SGIP1: variants seen among roughly 807,000 people sequenced by gnomAD.
SGIP1 encodes SH3-containing GRB2-like protein 3-interacting protein 1.
SGIP1 carries 38 observed loss-of-function variants against 107.5 expected under a neutral mutation model. The ratio of observed to expected loss-of-function variants is 0.35; its 90% CI spans 0.27 to 0.46. SGIP1 has a LOEUF of 0.46. Ranked by LOEUF, SGIP1 falls within the 20% of genes least tolerant of loss-of-function variation. The probability of loss-of-function intolerance (pLI) is 1.00; values close to 1 mark genes in which losing one functional copy is unlikely to be tolerated. For synonymous variants in SGIP1, 365 were observed against 366.1 expected (o/e 1.00, Z 0.03); for missense variants, 929 against 1,019.5 (o/e 0.91, Z 1.21).
At chr1:66,730,300 A>G (rs1320203659) in intron 20 of SGIP1, among the ~76,000 whole-genome samples, 2 of 152,158 alleles carry the variant, frequency 1.3e-5, no homozygotes, top group Non-Finnish European at 2.9e-5. Flanking sequence ...TCTAACTATT[A>G]AACCTGAATT....
chr1:66,745,448 T>G lies in SGIP1; in HGVS notation c.*2353T>G, dbSNP rs2094539667. On this transcript the variant is annotated 3_prime_UTR_variant, in exon 25 of 25. Coordinates refer to ENST00000371037, the MANE Select transcript of SGIP1 (RefSeq NM_032291.4). ...AATAAGCTGGTATCAGGGATTTGCA[T>G]TTTGACATTTTGTTGTTTCTTTTTA... is the stretch of plus-strand genomic sequence containing the variant. 6.6e-6 allele frequency: 1 copy of G among 152,072 alleles called. No individual in the cohort carries two copies. The highest frequency in any genetic ancestry group is 1.5e-5 in the Non-Finnish European group (1 of 67,912). The allele number at this position is 152,072 out of a possible 1,614,324, so 9.4% of individuals were successfully genotyped here. A position where few individuals can be genotyped will look rare whatever the true frequency, so the allele number is the denominator to read the frequency against.
chr1:66,729,148 C>G, intron 19 of SGIP1, 116 bp from the exon 20 acceptor site: 5 of 1,194,022 alleles, frequency 4.2e-6, no homozygotes, highest in Non-Finnish European at 5.9e-6. Context: ...AAGAGCCTGC[C>G]TTTTATCTCT....
chr1:66,626,108 T>G, intron 2 of SGIP1, 198 bp downstream of exon 2: 1 of 348,662 alleles, frequency 2.9e-6, no homozygotes. Flanking sequence ...TCATCATGTG[T>G]TCAGTTTTTA....
At chr1:66,726,315 A>G (rs1269267783) in intron 19 of SGIP1, among the ~76,000 whole-genome samples, 2 of 152,230 alleles carry the variant, frequency 1.3e-5, no homozygotes, top group African/African-American at 4.8e-5. Flanking sequence ...ATTTTCTCAG[A>G]GCAGTCAGTA....
intron 4 of SGIP1, among the ~76,000 whole-genome samples, chr1:66,637,252 T>C (rs926107077): frequency 1.7e-4 from 26 of 152,282 alleles, no homozygotes; most frequent in African/African-American, 4.6e-4. Flanking sequence ...TCTTCACTAT[T>C]ACTAGTACTA....
chr1:66,566,013 AG>A (rs34208086), intron 1 of SGIP1, among the ~76,000 whole-genome samples: 23,450 of 152,042 alleles, frequency 0.15, 2,366 homozygotes, highest in East Asian at 0.45. Context: ...AAAATATTTT[AG>A]GTCCTTACGG....
At chr1:66,612,389 G>C (rs2149169448) in intron 1 of SGIP1, among the ~76,000 whole-genome samples, 1 of 152,292 alleles carries the variant, frequency 6.6e-6, no homozygotes, top group East Asian at 1.9e-4. Flanking sequence ...ATAACAGAAG[G>C]AATCGGAAAG....
intron 17 of SGIP1, 115 bp from the exon 18 acceptor site, chr1:66,695,319 G>C: frequency 6.4e-7 from 1 of 1,560,948 alleles, no homozygotes; most frequent in South Asian, 1.2e-5. Flanking sequence ...ATGGCATGTA[G>C]TGCCTCCACC....
At chr1:66,658,811 C>T (rs1407648513) in intron 7 of SGIP1, among the ~76,000 whole-genome samples, 1 of 152,090 alleles carries the variant, frequency 6.6e-6, no homozygotes, top group African/African-American at 2.4e-5. Context: ...TTATTTTGAA[C>T]AAAAGGAATG....
rs1318887313 is a variant in SGIP1 at position 66,565,001 on chromosome 1, T to C, written c.10+30633T>C. On this transcript the variant is annotated intron_variant, in intron 1 of 24. Coordinates refer to ENST00000371037, the MANE Select transcript of SGIP1 (RefSeq NM_032291.4). ...TTTTCCAAATGAAGAAAAACTGAGGTCTGGAGAGCTTAAGTGCCTGGCCCG... is the reference window on the plus strand; with the variant it reads ...TTTTCCAAATGAAGAAAAACTGAGGCCTGGAGAGCTTAAGTGCCTGGCCCG... Among the ~76,000 whole-genome samples, 4 of 152,032 alleles carry C rather than the reference T, an allele frequency of 2.6e-5. No homozygotes were observed. The East Asian group carries it at 7.8e-4, about 30-fold the overall frequency.
intron 5 of SGIP1, 58 bp downstream of exon 5, chr1:66,639,891 G>A: frequency 1.4e-6 from 2 of 1,412,336 alleles, no homozygotes; most frequent in Non-Finnish European, 2.0e-6. Flanking sequence ...AAAATGAGTT[G>A]AGGCATTCTT....
intron 22 of SGIP1, 54 bp from the exon 23 acceptor site, chr1:66,740,604 C>T: frequency 9.0e-7 from 1 of 1,111,818 alleles, no homozygotes. Context: ...ACATGGCATC[C>T]AGTAAACAAA....
intron 9 of SGIP1, among the ~76,000 whole-genome samples, chr1:66,669,815 C>T (rs56272178): frequency 0.077 from 11,689 of 152,046 alleles, 461 homozygotes; most frequent in South Asian, 0.098. Context: ...AAACTGCTCC[C>T]GTAGCATAAA....
At chr1:66,741,164 T>C (rs2094435736) in intron 23 of SGIP1, 108 bp from the exon 24 acceptor site, 2 of 1,178,336 alleles carry the variant, frequency 1.7e-6, no homozygotes, top group Non-Finnish European at 2.3e-6. Context: ...CACCATTTTG[T>C]CAAAGAATCA....
chr1:66,640,788 A>AG (rs2076637313), intron 5 of SGIP1, among the ~76,000 whole-genome samples: 1 of 151,764 alleles, frequency 6.6e-6, no homozygotes, highest in African/African-American at 2.4e-5. Context: ...TAAAAAAAAA[A>AG]AAAGCAACTC....
intron 1 of SGIP1, among the ~76,000 whole-genome samples, chr1:66,571,719 C>G (rs2060409284): frequency 6.6e-6 from 1 of 151,992 alleles, no homozygotes; most frequent in Non-Finnish European, 1.5e-5. Context: ...ATTCAAGTCC[C>G]TTTATAAAAT....
intron 1 of SGIP1, among the ~76,000 whole-genome samples, chr1:66,601,907 A>G (rs1229391152): frequency 6.6e-6 from 1 of 151,908 alleles, no homozygotes; most frequent in Admixed American, 6.6e-5. Flanking sequence ...TCTGATTCAG[A>G]AAGCTTTTCC....
At chr1:66,651,998 C>T (rs2078853036) in intron 7 of SGIP1, among the ~76,000 whole-genome samples, 1 of 152,066 alleles carries the variant, frequency 6.6e-6, no homozygotes, top group Non-Finnish European at 1.5e-5. Flanking sequence ...TGAGTAGCAG[C>T]ACTATTAAGC....
intron 1 of SGIP1, among the ~76,000 whole-genome samples, chr1:66,589,759 G>A (rs1272598421): frequency 2.6e-5 from 4 of 152,114 alleles, no homozygotes; most frequent in South Asian, 2.1e-4. Context: ...TTCAGGTGTC[G>A]TGGAAATGTC....
Sources: gnomAD v4.1 joint callset for allele counts (sites outside exome capture counted in the v4.1 genomes callset) on GRCh38, gnomAD v4.1.1 for gene constraint, MANE v1.5 for transcripts, NCBI Gene and HGNC (gene_info 2026-07-23, HGNC 2026-07-21) for gene names.